The following CDAN1 variants were observed in gnomAD, a reference collection of about 807,000 sequenced individuals.
The protein encoded by CDAN1 is codanin-1.
In CDAN1, 107 loss-of-function variants were observed where a neutral mutation model predicts 139.8. The ratio of observed to expected loss-of-function variants is 0.77; its 90% CI spans 0.65 to 0.90. The LOEUF is 0.90. CDAN1 is among the 40% of genes least tolerant of loss of function. The pLI, the probability that CDAN1 is intolerant of heterozygous loss-of-function variation, is 0.00. For synonymous variants in CDAN1, 776 were observed against 660.6 expected (o/e 1.17, Z -2.68); for missense variants, 1,667 against 1,575.7 (o/e 1.06, Z -0.98).
chr15:42,730,138 C>G lies in CDAN1; in HGVS notation c.2252G>C (p.Trp751Ser). ...CCTCACTCTGCCCACCTGGAAAAGC[C>G]AGCCCAGGACAGCAAGTAGCAGCAG... is the stretch of plus-strand genomic sequence containing the variant. ...NKLLLLAVLGWLFQIPTVPED... is the reference protein window; with the variant it reads ...NKLLLLAVLGSLFQIPTVPED... The change falls in exon 15 of 28, where the codon TGG becomes TCG. Residue 751 changes from tryptophan (W) to serine (S), a missense_variant. Transcript: ENST00000356231. The G allele has an allele frequency of 6.2e-7, 1 of 1,614,138 alleles. No individual in the cohort carries two copies. Among genetic ancestry groups the G allele is most frequent in the Non-Finnish European group, 8.5e-7 (1 of 1,179,992 alleles).
intron 14 of CDAN1, 124 bp from the exon 15 acceptor site, chr15:42,730,339 C>T: frequency 2.0e-6 from 2 of 996,308 alleles, no homozygotes; most frequent in Non-Finnish European, 3.2e-6. Flanking sequence ...TGTTGGCAAG[C>T]AGGATCCCCC....
At position 42,735,374 on chromosome 15, in the gene CDAN1, T is replaced by C. The variant is rs2061673626; in HGVS notation, c.944A>G (p.Glu315Gly). 3.1e-6 allele frequency: 5 copies of C among 1,601,248 alleles called. No individual in the cohort carries two copies. The highest frequency in any genetic ancestry group is 4.3e-6 in the Non-Finnish European group (5 of 1,173,188). ...CAAGAAGAGGTTTGGTACCAGGTTC[T>C]CTAGATAGATACAAAAAGAAAGCCC... is the stretch of plus-strand genomic sequence containing the variant. ...VALVYSSCIA[E>G]NLVPNLFLEL... Residue 315 changes from glutamate to glycine, a missense_variant and splice_region_variant, in exon 5 of 28, where the codon GAG (glutamate) becomes GGG (glycine). Glu to Gly is a moderately conservative substitution (Grantham distance 98). Around this residue, in one of 3 missense-constraint regions of CDAN1, gnomAD observed 244 missense variants for 309.4 expected, o/e 0.79. Coordinates refer to ENST00000356231, the MANE Select transcript of CDAN1 (RefSeq NM_138477.4).
rs2061689204 is a variant in CDAN1 at position 42,736,436 on chromosome 15, C to A, written c.435G>T (p.Leu145=). 6.3e-7 allele frequency: 1 copy of A among 1,593,312 alleles called. No homozygotes were observed. The highest frequency in any genetic ancestry group is 1.1e-5 in the South Asian group (1 of 89,268). Residue 145 remains leucine (L), a synonymous_variant, in exon 2 of 28, where the codon CTG becomes CTT. Coordinates refer to ENST00000356231, the MANE Select transcript of CDAN1 (RefSeq NM_138477.4). Reference sequence around the variant, plus strand: ...TAAGCCTCCGGCCCCCGGCTCCGGGCAGGCTCTCCCCGCTGACCCCCTCCT... The same window carrying A: ...TAAGCCTCCGGCCCCCGGCTCCGGGAAGGCTCTCCCCGCTGACCCCCTCCT... ...GLEEGVSGES[L]PGAGGRRLRG...
chr15:42,734,048 C>G lies in CDAN1; in HGVS notation c.1258-1G>C. The G allele has an allele frequency of 1.2e-6, 2 of 1,611,802 alleles. No individual in the cohort carries two copies. Among genetic ancestry groups the G allele is most frequent in the Non-Finnish European group, 1.7e-6 (2 of 1,177,888 alleles). On this transcript the variant is annotated splice_acceptor_variant, in intron 7 of 27. Coordinates refer to ENST00000356231, the MANE Select transcript of CDAN1 (RefSeq NM_138477.4). LOFTEE classifies it high-confidence loss of function. ...TAGAGGGAGGCATCACCAGAGAGACCTAAAATACAGCAGGAACGTTAGGAA... is the reference window on the plus strand; with the variant it reads ...TAGAGGGAGGCATCACCAGAGAGACGTAAAATACAGCAGGAACGTTAGGAA...
chr15:42,733,013 C>CGG, intron 9 of CDAN1, 84 bp downstream of exon 9: 1 of 1,079,732 alleles, frequency 9.3e-7, no homozygotes, highest in Non-Finnish European at 1.4e-6. Flanking sequence ...CGGGGAAAAC[C>CGG]TTCCCTCCTC....
chr15:42,729,410 C>T (rs1236185567), intron 17 of CDAN1, 48 bp from the exon 18 acceptor site: 1 of 1,612,750 alleles, frequency 6.2e-7, no homozygotes, highest in East Asian at 2.2e-5. Flanking sequence ...CTCTCCCCTC[C>T]CTAAGTATCA....
chr15:42,727,691 T>A lies in CDAN1; in HGVS notation c.3026A>T (p.Glu1009Val), dbSNP rs754935942. 14 of 1,585,836 alleles carry A rather than the reference T, an allele frequency of 8.8e-6. No individual in the cohort carries two copies. The highest frequency in any genetic ancestry group is 1.2e-5 in the Non-Finnish European group (14 of 1,162,506). Residue 1009 changes from glutamate to valine, a missense_variant, in exon 23 of 28, where the codon GAG becomes GTG. By Grantham distance (121) the Glu-to-Val change is moderately radical. Coordinates refer to ENST00000356231, the MANE Select transcript of CDAN1 (RefSeq NM_138477.4). Reference sequence around the variant, plus strand: ...ACAGGCGCGGGAGCAGCCCCTCCGCTCCCCCCGGGCAGCAGGTTCAGGACC... The same window carrying A: ...ACAGGCGCGGGAGCAGCCCCTCCGCACCCCCCGGGCAGCAGGTTCAGGACC... ...AQGPEPAARG[E>V]RRGCSRACEH...
Position 42,724,360 on chromosome 15 carries a change from G to T in CDAN1, c.*131C>A. On this transcript the variant is annotated 3_prime_UTR_variant, in exon 28 of 28. Coordinates refer to ENST00000356231, the MANE Select transcript of CDAN1 (RefSeq NM_138477.4). ...GGGATGCCAGGCAGTGACACCCTTAGAGCAGGAAGTCTGACTGTAGACCCA... is the reference window on the plus strand; with the variant it reads ...GGGATGCCAGGCAGTGACACCCTTATAGCAGGAAGTCTGACTGTAGACCCA... 1 of 1,238,264 alleles carries T rather than the reference G, an allele frequency of 8.1e-7. No homozygotes were observed. The highest frequency in any genetic ancestry group is 1.1e-6 in the Non-Finnish European group (1 of 878,122). 76.7% of individuals were successfully genotyped at this position (1,238,264 alleles called of 1,614,324 possible).
rs1204178331 is a variant in CDAN1 at position 42,735,435 on chromosome 15, C to T, written c.944-61G>A. ...CACCATTTGGAGCCAAGGCTCAGTTCCAAGTGCCTTACCAATTCTCTTACC... is the reference window on the plus strand; with the variant it reads ...CACCATTTGGAGCCAAGGCTCAGTTTCAAGTGCCTTACCAATTCTCTTACC... On this transcript the variant is annotated intron_variant, in intron 4 of 27. Transcript: ENST00000356231. 1.9e-6 allele frequency: 3 copies of T among 1,596,258 alleles called. No individual in the cohort carries two copies. The African/African-American group carries it at 4.0e-5, about 21-fold the overall frequency.
chr15:42,727,600 G>A (rs1331117778), intron 23 of CDAN1, 21 bp downstream of exon 23: 1 of 1,526,578 alleles, frequency 6.6e-7, no homozygotes, highest in African/African-American at 1.4e-5. Context: ...GGAAGCCAAA[G>A]GGAGTAGGGT....
intron 1 of CDAN1, 99 bp downstream of exon 1, chr15:42,736,914 G>A: frequency 6.8e-7 from 1 of 1,473,288 alleles, no homozygotes; most frequent in Non-Finnish European, 9.1e-7. Context: ...ACTCGGCCCG[G>A]CTGGCAGCCA....
chr15:42,727,023 C>A (rs923614681), intron 23 of CDAN1: 2 of 155,932 alleles, frequency 1.3e-5, no homozygotes, highest in Non-Finnish European at 2.8e-5. Flanking sequence ...TGTGTCCCAA[C>A]TATGCAACTC....
In CDAN1 at chr15:42,728,747, T is replaced by G. The variant is rs1428762911; in HGVS notation, c.2709A>C (p.Thr903=). The G allele has an allele frequency of 6.2e-7, 1 of 1,614,188 alleles. No homozygotes were observed. Among genetic ancestry groups the G allele is most frequent in the East Asian group, 2.2e-5 (1 of 44,870 alleles). ...AESLLQEQLV[T]QGEEGGDPAQ... ...CTGGGTCTCCCCCTTCCTCTCCCTG[T>G]GTCACCAGCTGCTCTTGGAGAAGTG... is the stretch of plus-strand genomic sequence containing the variant. Residue 903 remains threonine (T), a synonymous_variant, in exon 20 of 28, where the codon ACA becomes ACC. Coordinates refer to ENST00000356231, the MANE Select transcript of CDAN1 (RefSeq NM_138477.4).
chr15:42,736,441 T>C lies in CDAN1; in HGVS notation c.430A>G (p.Ser144Gly), dbSNP rs1274104104. 1 of 1,586,250 alleles carries C rather than the reference T, an allele frequency of 6.3e-7. No individual in the cohort carries two copies. The highest frequency in any genetic ancestry group is 8.6e-7 in the Non-Finnish European group (1 of 1,167,456). ...RGLEEGVSGE[S>G]LPGAGGRRLR... Reference sequence around the variant, plus strand: ...CTCCGGCCCCCGGCTCCGGGCAGGCTCTCCCCGCTGACCCCCTCCTCCAGG... The same window carrying C: ...CTCCGGCCCCCGGCTCCGGGCAGGCCCTCCCCGCTGACCCCCTCCTCCAGG... Residue 144 changes from serine (S) to glycine (G), a missense_variant, in exon 2 of 28, where the codon AGC becomes GGC. Transcript: ENST00000356231.
In CDAN1 at chr15:42,731,776, G is replaced by A. The variant is rs755117251; in HGVS notation, c.1583C>T (p.Pro528Leu). The A allele has an allele frequency of 4.3e-5, 69 of 1,614,042 alleles. No homozygotes were observed. Among genetic ancestry groups the A allele is most frequent in the Non-Finnish European group, 5.6e-5 (66 of 1,180,048 alleles). The change falls in exon 11 of 28, where the codon CCA (proline) becomes CTA (leucine). Residue 528 changes from proline to leucine, a missense_variant. Physicochemically the swap from Pro to Leu is moderately conservative, Grantham distance 98 (BLOSUM62 -3). Transcript: ENST00000356231. ...GAGGTVLGEA[P>L]DVLSMLGADK... The stretch of plus-strand genomic sequence containing the variant: ...AGCTCCCAGCATACTCAACACATCT[G>A]GGGCCTCGCCCAAGACGGTGCCCCC...
chr15:42,736,562 C>T lies in CDAN1; in HGVS notation c.309G>A (p.Pro103=). ...CGGCAGCGGTGCTCTGGGCCTCGGT[C>T]GGAGGGAAAAGCTGGCTGCGCGCCC... ...SRGARSQLFP[P]TEAQSTAAEA... The change falls in exon 2 of 28, where the codon CCG becomes CCA. Residue 103 remains proline (P), a synonymous_variant. Transcript: ENST00000356231. 1 of 1,485,624 alleles carries T rather than the reference C, an allele frequency of 6.7e-7. No homozygotes were observed. Among genetic ancestry groups the T allele is most frequent in the South Asian group, 1.3e-5 (1 of 78,878 alleles). The allele number at this position is 1,485,624 out of a possible 1,614,324, so 92.0% of individuals were successfully genotyped here. A position where few individuals can be genotyped will look rare whatever the true frequency, so the allele number is the denominator to read the frequency against.
In CDAN1 at chr15:42,734,310, C is replaced by A. The variant is rs2061657900; in HGVS notation, c.1173G>T (p.Leu391=). The A allele has an allele frequency of 6.2e-7, 1 of 1,614,042 alleles. No individual in the cohort carries two copies. Among genetic ancestry groups the A allele is most frequent in the Non-Finnish European group, 8.5e-7 (1 of 1,180,044 alleles). Residue 391 remains leucine, a synonymous_variant, in exon 7 of 28, where the codon CTG becomes CTT. Transcript: ENST00000356231. ...ACAGCAGCCGCTCATTCTCAGCCAG[C>A]AGCTTCAAGGTCCCTTTGTCCAGGT... The part of the protein sequence containing the change: ...LSNLDKGTLK[L]LAENERLLCF...
At position 42,730,157 on chromosome 15, in the gene CDAN1, G is replaced by T; in HGVS notation, c.2233C>A (p.Leu745Ile). The T allele has an allele frequency of 6.2e-7, 1 of 1,614,188 alleles. No individual in the cohort carries two copies. Among genetic ancestry groups the T allele is most frequent in the Non-Finnish European group, 8.5e-7 (1 of 1,180,032 alleles). The change falls in exon 15 of 28, where the codon CTA becomes ATA. Residue 745 changes from leucine (L) to isoleucine (I), a missense_variant. Transcript: ENST00000356231. The part of the protein sequence containing the change: ...GKMCFLNKLL[L>I]LAVLGWLFQI... Reference sequence around the variant, plus strand: ...AAAAGCCAGCCCAGGACAGCAAGTAGCAGCAGCTTGTTCAGGAAACACATC... The same window carrying T: ...AAAAGCCAGCCCAGGACAGCAAGTATCAGCAGCTTGTTCAGGAAACACATC...
In CDAN1 at chr15:42,737,072, C is replaced by A. The variant is rs367940742; in HGVS notation, c.31G>T (p.Glu11Ter). ...ACGACGGCTGCGACCGACACCTCTT[C>A]TCGCAGCAGCGACTCCAAAACGGCC... MAAVLESLLR[E>*]EVSVAAVVRW... The change falls in exon 1 of 28, where the codon GAA becomes TAA. Residue 11 changes from glutamate to a stop codon, truncating the protein, a stop_gained. Transcript: ENST00000356231. LOFTEE classifies it high-confidence loss of function. The A allele has an allele frequency of 5.3e-5, 82 of 1,536,084 alleles. No individual in the cohort carries two copies. The highest frequency in any genetic ancestry group is 7.0e-5 in the Non-Finnish European group (80 of 1,140,338).
Sources: allele counts gnomAD v4.1 joint callset, GRCh38; gene constraint gnomAD v4.1.1; regional missense constraint gnomAD v4.1.1; transcripts MANE v1.5; gene names NCBI Gene and HGNC (gene_info 2026-07-23, HGNC 2026-07-21).